MGAT4C: variants seen among roughly 807,000 people sequenced by gnomAD.
MGAT4C encodes MGAT4 family member C, also known as alpha-1,3-mannosyl-glycoprotein 4-beta-N-acetylglucosaminyltransferase C.
MGAT4C carries 19 observed loss-of-function variants against 40.1 expected under a neutral mutation model. That is an observed-to-expected ratio of 0.47 (90% CI 0.33 to 0.70). The LOEUF is 0.70. Among genes scored for constraint, MGAT4C ranks in the 30% least tolerant of loss-of-function variants. MGAT4C has a pLI of 0.02. For synonymous variants in MGAT4C, 181 were observed against 187.1 expected, an observed-to-expected ratio of 0.97 and a Z score of 0.27; for missense variants, 491 against 563.2, an observed-to-expected ratio of 0.87 and a Z score of 1.30.
intron 2 of MGAT4C, among the ~76,000 whole-genome samples, chr12:86,473,756 TAG>T (rs1377204981): frequency 6.6e-6 from 1 of 152,212 alleles, no homozygotes; most frequent in Admixed American, 6.5e-5. Flanking sequence ...TTCCCTAAGA[TAG>T]AGTGATATTC....
At chr12:86,269,521 C>T (rs986222994) in intron 4 of MGAT4C, among the ~76,000 whole-genome samples, 1 of 151,330 alleles carries the variant, frequency 6.6e-6, no homozygotes, top group Non-Finnish European at 1.5e-5. Flanking sequence ...GACAGTTTTA[C>T]AGTGTTAACT....
chr12:86,408,272 A>G (rs183434664), intron 3 of MGAT4C, among the ~76,000 whole-genome samples: 4 of 152,084 alleles, frequency 2.6e-5, no homozygotes, highest in African/African-American at 7.2e-5. Flanking sequence ...TAGATTTTCA[A>G]TCACTCACAG....
chr12:86,761,490 C>A (rs944986225), intron 1 of MGAT4C, among the ~76,000 whole-genome samples: 1 of 152,150 alleles, frequency 6.6e-6, no homozygotes, highest in African/African-American at 2.4e-5. Context: ...TTTCCTATTA[C>A]CACTGTAACA....
intron 1 of MGAT4C, among the ~76,000 whole-genome samples, chr12:86,127,078 T>C (rs1880403522): frequency 6.6e-6 from 1 of 152,168 alleles, no homozygotes; most frequent in South Asian, 2.1e-4. Flanking sequence ...CAGTAATGCT[T>C]ACTAGCTGGC....
At chr12:86,027,669 T>C (rs1890359050) in intron 2 of MGAT4C, among the ~76,000 whole-genome samples, 1 of 151,974 alleles carries the variant, frequency 6.6e-6, no homozygotes, top group Non-Finnish European at 1.5e-5. Flanking sequence ...TAAAGTCACA[T>C]TTTGGAGTTT....
At chr12:86,576,528 CT>C (rs1960564781) in intron 2 of MGAT4C, among the ~76,000 whole-genome samples, 1 of 151,786 alleles carries the variant, frequency 6.6e-6, no homozygotes, top group South Asian at 2.1e-4. Context: ...TAGTTTCATT[CT>C]TTTGCATATG....
chr12:85,980,558 C>T, intron 4 of MGAT4C, 128 bp from the exon 5 acceptor site: 1 of 760,548 alleles, frequency 1.3e-6, no homozygotes, highest in East Asian at 2.7e-5. Flanking sequence ...AATGACTATG[C>T]ACAGAACATT....
intron 2 of MGAT4C, among the ~76,000 whole-genome samples, chr12:86,701,355 AT>A (rs1950360990): frequency 6.6e-6 from 1 of 151,916 alleles, no homozygotes; most frequent in South Asian, 2.1e-4. Context: ...TTCTCACAAT[AT>A]TTCCAACTTT....
chr12:86,114,016 A>C (rs1252902974), intron 1 of MGAT4C, among the ~76,000 whole-genome samples: 1 of 151,864 alleles, frequency 6.6e-6, no homozygotes, highest in African/African-American at 2.4e-5. Flanking sequence ...TGGGTTGATA[A>C]GATTGTGAGT....
chr12:86,130,072 A>G (rs143873424), intron 1 of MGAT4C, among the ~76,000 whole-genome samples: 3,938 of 152,312 alleles, frequency 0.026, 89 homozygotes, highest in South Asian at 0.069. Context: ...ATGATTGCCT[A>G]TACTGATGGA....
intron 2 of MGAT4C, among the ~76,000 whole-genome samples, chr12:86,020,645 C>T (rs1281727446): frequency 6.6e-6 from 1 of 152,120 alleles, no homozygotes; most frequent in Non-Finnish European, 1.5e-5. Context: ...AGAAGAAAAC[C>T]TAGGCAATAC....
intron 2 of MGAT4C, among the ~76,000 whole-genome samples, chr12:86,512,445 G>C (rs536129400): frequency 6.6e-6 from 1 of 152,162 alleles, no homozygotes; most frequent in Non-Finnish European, 1.5e-5. Flanking sequence ...ATCTTGATTA[G>C]ATATTTGCAC....
At position 86,207,449 on chromosome 12, in the gene MGAT4C, A is replaced by AC. The variant is rs1432571829; in HGVS notation, c.-57+48789dup. 2.7e-5 allele frequency among the ~76,000 whole-genome samples: 4 copies of AC among 150,826 alleles called. No individual in the cohort carries two copies. The South Asian group carries it at 6.3e-4, about 24-fold the overall frequency. On this transcript the variant is annotated intron_variant, in intron 1 of 4. Transcript: ENST00000611864. ...AATGCTCTCCCTCCCCTTTCCCTCG[A>AC]CCCCCCGACAGGCCTTGTGTGTGAT...
chr12:86,804,653 G>A (rs535640418), intron 1 of MGAT4C, among the ~76,000 whole-genome samples: 4 of 151,936 alleles, frequency 2.6e-5, no homozygotes, highest in South Asian at 4.2e-4. Context: ...ACAAGACAAT[G>A]CTGATTTCAA....
At chr12:86,232,678 T>C (rs1377157789) in intron 1 of MGAT4C, among the ~76,000 whole-genome samples, 2 of 152,202 alleles carry the variant, frequency 1.3e-5, no homozygotes, top group African/African-American at 4.8e-5. Flanking sequence ...TGTTTATTAA[T>C]GCATCAACAA....
chr12:86,582,794 C>T (rs557315088), intron 2 of MGAT4C, among the ~76,000 whole-genome samples: 13 of 151,192 alleles, frequency 8.6e-5, no homozygotes, highest in South Asian at 2.1e-4. Flanking sequence ...GGACTTATGT[C>T]GACCAAGTGA....
chr12:86,749,973 G>C (rs1354097421), intron 1 of MGAT4C, among the ~76,000 whole-genome samples: 1 of 151,580 alleles, frequency 6.6e-6, no homozygotes, highest in Non-Finnish European at 1.5e-5. Context: ...AGAATATCTC[G>C]CATATGGTTT....
At chr12:86,618,868 A>G (rs1962546729) in intron 2 of MGAT4C, among the ~76,000 whole-genome samples, 1 of 152,168 alleles carries the variant, frequency 6.6e-6, no homozygotes, top group Non-Finnish European at 1.5e-5. Flanking sequence ...GCAATGATAG[A>G]TAACCTAAAT....
chr12:86,623,431 A>C (rs1962700854), intron 2 of MGAT4C, among the ~76,000 whole-genome samples: 1 of 152,186 alleles, frequency 6.6e-6, no homozygotes, highest in Non-Finnish European at 1.5e-5. Flanking sequence ...GTAAGCATTA[A>C]AAGTTATCAG....
Sources: gnomAD v4.1 joint callset for allele counts (sites outside exome capture counted in the v4.1 genomes callset) on GRCh38, gnomAD v4.1.1 for gene constraint, MANE v1.5 for transcripts, NCBI Gene and HGNC (gene_info 2026-07-23, HGNC 2026-07-21) for gene names.